SH3PXD2A: variants seen among roughly 807,000 people sequenced by gnomAD.
The protein encoded by SH3PXD2A is SH3 and PX domains 2A.
Under a neutral mutation model 115.2 loss-of-function variants are expected in SH3PXD2A, and 32 were observed. The ratio of observed to expected loss-of-function variants is 0.28; its 90% CI spans 0.21 to 0.37. SH3PXD2A has a LOEUF of 0.37. SH3PXD2A is among the 10% of genes least tolerant of loss of function. SH3PXD2A has a pLI of 1.00. For missense variants in SH3PXD2A, 1,328 were observed against 1,498.7 expected (o/e 0.89, Z 1.88); for synonymous variants, 610 against 629.1 (o/e 0.97, Z 0.45).
chr10:103,643,751 G>T (rs2036990027), intron 8 of SH3PXD2A, among the ~76,000 whole-genome samples: 1 of 152,154 alleles, frequency 6.6e-6, no homozygotes, highest in Non-Finnish European at 1.5e-5. Flanking sequence ...TGTCCGCCCA[G>T]CACATGTTTG....
At chr10:103,738,994 T>G (rs1233102775) in intron 3 of SH3PXD2A, among the ~76,000 whole-genome samples, 1 of 152,108 alleles carries the variant, frequency 6.6e-6, no homozygotes, top group Non-Finnish European at 1.5e-5. Context: ...GGTTTCTCCA[T>G]GTTGGTCAGG....
intron 6 of SH3PXD2A, among the ~76,000 whole-genome samples, chr10:103,685,738 C>G (rs1263707087): frequency 1.3e-5 from 2 of 152,096 alleles, no homozygotes; most frequent in Admixed American, 6.5e-5. Context: ...AGAAATGAGC[C>G]ATAGAGAAGG....
At chr10:103,790,725 G>T (rs2039027361) in intron 2 of SH3PXD2A, among the ~76,000 whole-genome samples, 1 of 152,212 alleles carries the variant, frequency 6.6e-6, no homozygotes, top group Admixed American at 6.5e-5. Context: ...CTGAGACCAT[G>T]TCTGGGCTCG....
intron 1 of SH3PXD2A, among the ~76,000 whole-genome samples, chr10:103,833,194 A>C (rs1340073084): frequency 6.6e-6 from 1 of 152,206 alleles, no homozygotes; most frequent in Non-Finnish European, 1.5e-5. Flanking sequence ...TTTCCATCTA[A>C]GCATTATTTT....
Position 103,668,632 on chromosome 10 carries a change from C to T in SH3PXD2A, c.448G>A (p.Glu150Lys). 6.4e-7 allele frequency: 1 copy of T among 1,558,896 alleles called. No homozygotes were observed. The highest frequency in any genetic ancestry group is 1.2e-5 in the South Asian group (1 of 84,492). ...CCTGTCACGTCCTTCTTGGGCGACT[C>T]AGCCCAGCTGGACAGCCACACTTCC... ...RKSVWLSSWA[E>K]SPKKDVTGAD... The change falls in exon 7 of 15, where the codon GAG (glutamate) becomes AAG (lysine). Residue 150 changes from glutamate to lysine, a missense_variant. By Grantham distance (56) the Glu-to-Lys change is moderately conservative. Transcript: ENST00000369774.
intron 4 of SH3PXD2A, among the ~76,000 whole-genome samples, chr10:103,727,437 A>C (rs1434500696): frequency 6.6e-6 from 1 of 152,078 alleles, no homozygotes; most frequent in Non-Finnish European, 1.5e-5. Flanking sequence ...GAGAGTGCCA[A>C]TGGGGTCGGG....
intron 5 of SH3PXD2A, among the ~76,000 whole-genome samples, chr10:103,711,164 G>A (rs1181958635): frequency 6.6e-6 from 1 of 152,192 alleles, no homozygotes; most frequent in Non-Finnish European, 1.5e-5. Context: ...TTCCTTCCCA[G>A]GAGCATCCCA....
intron 1 of SH3PXD2A, among the ~76,000 whole-genome samples, chr10:103,826,760 C>T (rs201377993): frequency 3.3e-5 from 5 of 152,206 alleles, no homozygotes; most frequent in Admixed American, 6.5e-5. Flanking sequence ...TTGGTTCACC[C>T]GTGAATCTTC....
At chr10:103,813,676 T>C (rs565152382) in intron 1 of SH3PXD2A, among the ~76,000 whole-genome samples, 10 of 152,300 alleles carry the variant, frequency 6.6e-5, no homozygotes, top group South Asian at 6.2e-4. Flanking sequence ...ATCTCCATCT[T>C]AGAAAATAAT....
chr10:103,621,049 TTGTGA>T (rs1351734759), intron 10 of SH3PXD2A, among the ~76,000 whole-genome samples: 1 of 152,092 alleles, frequency 6.6e-6, no homozygotes, highest in Non-Finnish European at 1.5e-5. Flanking sequence ...TGTATGTGTA[TTGTGA>T]GTGGCTGTGT....
chr10:103,606,006 G>T, intron 13 of SH3PXD2A, 89 bp from the exon 14 acceptor site: 1 of 1,419,324 alleles, frequency 7.0e-7, no homozygotes, highest in Non-Finnish European at 9.7e-7. Flanking sequence ...GTCCCCAGGG[G>T]GTGCGGATGG....
chr10:103,810,742 A>G (rs1350841248), intron 1 of SH3PXD2A, among the ~76,000 whole-genome samples: 1 of 152,048 alleles, frequency 6.6e-6, no homozygotes, highest in African/African-American at 2.4e-5. Context: ...ACTTCTTCCC[A>G]TTTGCCGTGA....
chr10:103,818,891 T>C (rs1188671090), intron 1 of SH3PXD2A, among the ~76,000 whole-genome samples: 2 of 152,128 alleles, frequency 1.3e-5, no homozygotes, highest in Non-Finnish European at 2.9e-5. Context: ...CCTGCAACCA[T>C]AGTGCCCACT....
intron 1 of SH3PXD2A, among the ~76,000 whole-genome samples, chr10:103,854,212 G>A (rs988152529): frequency 1.3e-5 from 2 of 152,182 alleles, no homozygotes; most frequent in African/African-American, 4.8e-5. Flanking sequence ...AGCAACCAGC[G>A]CCTGTTTTAA....
chr10:103,748,210 C>CTT, intron 3 of SH3PXD2A, among the ~76,000 whole-genome samples: 1 of 152,374 alleles, frequency 6.6e-6, no homozygotes, highest in African/African-American at 2.4e-5. Flanking sequence ...GTTATTCTCA[C>CTT]TTTACAGATG....
chr10:103,662,603 G>A (rs1302319182), intron 7 of SH3PXD2A, among the ~76,000 whole-genome samples: 1 of 150,670 alleles, frequency 6.6e-6, no homozygotes, highest in Non-Finnish European at 1.5e-5. Context: ...GTTTCACCTT[G>A]TTAGCCAGGA....
chr10:103,738,127 A>T (rs780161353), intron 3 of SH3PXD2A, among the ~76,000 whole-genome samples: 1 of 152,214 alleles, frequency 6.6e-6, no homozygotes. Context: ...GGGCCGGGCC[A>T]TCTCCCTGTC....
intron 5 of SH3PXD2A, among the ~76,000 whole-genome samples, chr10:103,710,542 T>A (rs1564870317): frequency 1.3e-5 from 2 of 152,318 alleles, no homozygotes; most frequent in South Asian, 4.1e-4. Context: ...CCACAGACAG[T>A]CATCCTCTCC....
chr10:103,693,145 G>T (rs2037780046), intron 5 of SH3PXD2A, 89 bp from the exon 6 acceptor site: 2 of 1,127,218 alleles, frequency 1.8e-6, no homozygotes, highest in Admixed American at 1.8e-5. Context: ...GGCTGGCTGC[G>T]GTCGGTCCCC....
Sources: allele counts gnomAD v4.1 joint callset (sites outside exome capture counted in the v4.1 genomes callset), GRCh38; gene constraint gnomAD v4.1.1; transcripts MANE v1.5; gene names NCBI Gene and HGNC (gene_info 2026-07-23, HGNC 2026-07-21).